Variants in MTFR1 observed in about 807,000 individuals in gnomAD.
MTFR1 encodes the protein mitochondrial fission regulator 1, also known as chondrocyte protein with a poly-proline region.
Under a neutral mutation model 38.8 loss-of-function variants are expected in MTFR1, and 28 were observed. That is an observed-to-expected ratio of 0.72 (90% CI 0.53 to 0.99). The LOEUF (loss-of-function observed/expected upper bound fraction) is 0.99. MTFR1 is among the 50% of genes least tolerant of loss of function. MTFR1 has a pLI of 0.00. For missense variants in MTFR1, 358 were observed against 395.5 expected, an observed-to-expected ratio of 0.91 and a Z score of 0.81; for synonymous variants, 145 against 137.0, an observed-to-expected ratio of 1.06 and a Z score of -0.41.
At chr8:65,663,822 C>CTTTTTTTTTT (rs1035579864) in intron 1 of MTFR1, among the ~76,000 whole-genome samples, 9 of 78,572 alleles carry the variant, frequency 1.1e-4, no homozygotes, top group Admixed American at 1.6e-4. Flanking sequence ...AATTTCTTTT[C>CTTTTTTTTTT]TTTTTTTTTT....
At chr8:65,687,135 T>TG (rs1430070200) in intron 3 of MTFR1, among the ~76,000 whole-genome samples, 1 of 152,136 alleles carries the variant, frequency 6.6e-6, no homozygotes, top group Non-Finnish European at 1.5e-5. Flanking sequence ...TTTTAATAAA[T>TG]GTTCACTTAA....
rs1296945271 is a variant in MTFR1, at chr8:65,709,351, A to G, written c.*307A>G. 3.7e-6 allele frequency: 1 copy of G among 272,472 alleles called. No homozygotes were observed. Among genetic ancestry groups the G allele is most frequent in the African/African-American group, 2.1e-5 (1 of 46,654 alleles). 16.9% of individuals were successfully genotyped at this position (272,472 alleles called of 1,614,324 possible). The stretch of plus-strand genomic sequence containing the variant: ...CACAACACAAAAAGGACATTTGTGG[A>G]TGTTACTGCACATTTTAAATTCTTA... On this transcript the variant is annotated 3_prime_UTR_variant, in exon 8 of 8. Coordinates refer to ENST00000262146, the MANE Select transcript of MTFR1 (RefSeq NM_014637.4).
At chr8:65,668,339 A>C (rs796767068) in intron 1 of MTFR1, among the ~76,000 whole-genome samples, 1 of 82,860 alleles carries the variant, frequency 1.2e-5, no homozygotes, top group African/African-American at 3.8e-5. Flanking sequence ...CACCACACCC[A>C]GCTAATTTTT....
At chr8:65,776,904 A>G in the MTFR1 span, among the ~76,000 whole-genome samples, 1 of 152,220 alleles carries the variant, frequency 6.6e-6, no homozygotes, top group African/African-American at 2.4e-5. Context: ...AATAGGAAAG[A>G]TGATGAAAGA....
chr8:65,707,090 G>C lies in MTFR1; in HGVS notation c.598G>C (p.Gly200Arg), dbSNP rs1419874205. ...ACCGCCCCTGCCTCCCCCTGCACTG[G>C]GGCTCCACCAAAGTACATCTGCTGT... ...PPPPLPPPAL[G>R]LHQSTSAVDL... The change falls in exon 6 of 8, where the codon GGG becomes CGG. Residue 200 changes from glycine to arginine, a missense_variant. By Grantham distance (125) the Gly-to-Arg change is moderately radical (BLOSUM62 -2). Coordinates refer to ENST00000262146, the MANE Select transcript of MTFR1 (RefSeq NM_014637.4). The C allele has an allele frequency of 6.2e-7, 1 of 1,613,752 alleles. No homozygotes were observed. Among genetic ancestry groups the C allele is most frequent in the Admixed American group, 1.7e-5 (1 of 59,994 alleles).
At chr8:65,760,668 A>C (rs1442951732) in intron 3 of MTFR1, among the ~76,000 whole-genome samples, 1 of 152,216 alleles carries the variant, frequency 6.6e-6, no homozygotes, top group Non-Finnish European at 1.5e-5. Flanking sequence ...GGAAATTTTT[A>C]GTTTCTTCAT....
chr8:65,712,729 T>G (rs540612854), downstream of MTFR1, among the ~76,000 whole-genome samples: 17 of 152,330 alleles, frequency 1.1e-4, no homozygotes, highest in African/African-American at 4.1e-4. Flanking sequence ...CACCTGGATC[T>G]CAGATTTCTA....
chr8:65,743,573 CAAAGGT>C (rs1480077014), intron 3 of MTFR1, among the ~76,000 whole-genome samples: 2 of 152,144 alleles, frequency 1.3e-5, no homozygotes, highest in Non-Finnish European at 2.9e-5. Flanking sequence ...AAGGTATAGA[CAAAGGT>C]ATTTCCACTA....
At chr8:65,681,467 A>G (rs1267067248) in intron 2 of MTFR1, among the ~76,000 whole-genome samples, 1 of 152,206 alleles carries the variant, frequency 6.6e-6, no homozygotes, top group Non-Finnish European at 1.5e-5. Flanking sequence ...TAATAGTCAT[A>G]TAATTCTTAC....
chr8:65,741,379 T>C (rs1807429201), intron 3 of MTFR1, among the ~76,000 whole-genome samples: 1 of 152,170 alleles, frequency 6.6e-6, no homozygotes, highest in South Asian at 2.1e-4. Context: ...TAATAATATT[T>C]ATGAAGGATA....
chr8:65,665,601 A>C (rs966486), intron 1 of MTFR1, among the ~76,000 whole-genome samples: 10,824 of 152,130 alleles, frequency 0.071, 1,325 homozygotes, highest in African/African-American at 0.24. Context: ...CTCCAATCAA[A>C]ACCTTGGAGT....
the MTFR1 span, among the ~76,000 whole-genome samples, chr8:65,777,236 C>T: frequency 4.6e-5 from 7 of 152,036 alleles, no homozygotes; most frequent in East Asian, 1.9e-4. Context: ...TGCACCACCA[C>T]GCCTGGCTAA....
Position 65,715,879 on chromosome 8 carries a change from C to T in MTFR1, c.382-3501C>T, listed in dbSNP as rs11775485. 0.87 allele frequency among the ~76,000 whole-genome samples: 130,227 copies of T among 149,038 alleles called. 57,297 individuals are homozygous for T. The highest frequency in any genetic ancestry group is 0.96 in the African/African-American group (39,482 of 40,966). ...GGCGGGCGCCTGTAGTCCCAGCGAC[C>T]TGGGAGACTGAGGCAGGAGAATGAG... On this transcript the variant is annotated intron_variant, in intron 2 of 3. Transcript: ENST00000521247.
At chr8:65,677,419 C>G (rs1172609754) in intron 2 of MTFR1, among the ~76,000 whole-genome samples, 34 of 136,964 alleles carry the variant, frequency 2.5e-4, no homozygotes, top group Admixed American at 1.2e-3. Flanking sequence ...GAGTCTTGCT[C>G]TGTCCCAGGC....
chr8:65,684,113 C>T (rs772607196), intron 3 of MTFR1, among the ~76,000 whole-genome samples: 3 of 152,130 alleles, frequency 2.0e-5, no homozygotes, highest in Non-Finnish European at 4.4e-5. Flanking sequence ...CTGATTGCAA[C>T]CCCCAGGTCT....
At chr8:65,712,965 A>G (rs1197015935), downstream of MTFR1, among the ~76,000 whole-genome samples, 2 of 152,218 alleles carry the variant, frequency 1.3e-5, no homozygotes, top group East Asian at 3.8e-4. Context: ...TCAACAATAA[A>G]TACTTCAAAT....
chr8:65,655,958 ATATATATATACC>A lies in MTFR1; in HGVS notation c.-81+11175_-81+11186del, dbSNP rs1288524127. On this transcript the variant is annotated intron_variant, in intron 1 of 7. Coordinates refer to ENST00000262146, the MANE Select transcript of MTFR1 (RefSeq NM_014637.4). ...CTCTGTCTTAAAAAAAAAAATATAT[ATATATATATACC>A]ATATATATATATATGGTAGTGGGTT... is the stretch of plus-strand genomic sequence containing the variant. Among the ~76,000 whole-genome samples the A allele has an allele frequency of 2.4e-4, 9 of 37,890 alleles. 1 individual carries two copies. The highest frequency in any genetic ancestry group is 1.7e-3 in the African/African-American group (7 of 4,100). 24.9% of individuals were successfully genotyped at this position (37,890 alleles called of 152,430 possible). A position where few individuals can be genotyped will look rare whatever the true frequency, so the allele number is the denominator to read the frequency against.
At chr8:65,712,411 C>A (rs901024716), downstream of MTFR1, among the ~76,000 whole-genome samples, 1 of 152,170 alleles carries the variant, frequency 6.6e-6, no homozygotes, top group African/African-American at 2.4e-5. Context: ...CAATCAGGTT[C>A]TCCCTCATGA....
At chr8:65,673,996 A>G (rs1482628876) in intron 2 of MTFR1, among the ~76,000 whole-genome samples, 1 of 152,250 alleles carries the variant, frequency 6.6e-6, no homozygotes, top group East Asian at 1.9e-4. Flanking sequence ...TGTTGGAGAA[A>G]TGGCGTCAGT....
Sources: allele counts gnomAD v4.1 joint callset (sites outside exome capture counted in the v4.1 genomes callset), GRCh38; gene constraint gnomAD v4.1.1; transcripts MANE v1.5; gene names NCBI Gene and HGNC (gene_info 2026-07-23, HGNC 2026-07-21).